NEK1: variants seen among roughly 807,000 people sequenced by gnomAD.
NEK1 encodes the protein serine/threonine-protein kinase Nek1.
A neutral mutation model predicts 182.1 loss-of-function variants in NEK1; 137 were observed. The observed-to-expected ratio is 0.75, with a 90% CI of 0.65 to 0.87. The LOEUF is 0.87. Ranked by LOEUF, NEK1 falls within the 40% of genes least tolerant of loss-of-function variation. The pLI is 0.00. For missense variants in NEK1, 1,391 were observed against 1,494.4 expected (o/e 0.93, Z 1.14); for synonymous variants, 513 against 492.2 (o/e 1.04, Z -0.56).
chr4:169,500,302 CCTTT>C (rs1442425215), intron 23 of NEK1, among the ~76,000 whole-genome samples: 1 of 152,130 alleles, frequency 6.6e-6, no homozygotes. Flanking sequence ...GTCTGTCACC[CCTTT>C]CTTTGACTAG....
At chr4:169,494,154 T>C (rs541879279) in intron 23 of NEK1, among the ~76,000 whole-genome samples, 5 of 152,264 alleles carry the variant, frequency 3.3e-5, no homozygotes, top group Admixed American at 6.5e-5. Flanking sequence ...AACGTGCAGG[T>C]TTGTTACATA....
chr4:169,566,944 A>C (rs528561551), intron 12 of NEK1, among the ~76,000 whole-genome samples: 1 of 152,178 alleles, frequency 6.6e-6, no homozygotes, highest in East Asian at 1.9e-4. Context: ...TCTCTACAAA[A>C]AATAGCTGGG....
chr4:169,548,558 T>C (rs1760905703), intron 18 of NEK1, among the ~76,000 whole-genome samples: 1 of 152,254 alleles, frequency 6.6e-6, no homozygotes, highest in Admixed American at 6.5e-5. Context: ...CTGCTGAAGC[T>C]GTGCCCACAA....
chr4:169,569,189 T>G (rs1364056370), intron 12 of NEK1, among the ~76,000 whole-genome samples: 1 of 152,154 alleles, frequency 6.6e-6, no homozygotes, highest in African/African-American at 2.4e-5. Flanking sequence ...ATTTCAAGAA[T>G]TAGATATGTA....
At chr4:169,436,837 A>G (rs1738504609) in intron 28 of NEK1, among the ~76,000 whole-genome samples, 1 of 152,246 alleles carries the variant, frequency 6.6e-6, no homozygotes, top group Non-Finnish European at 1.5e-5. Context: ...AAGAATTTCT[A>G]AGAACTCAAC....
intron 12 of NEK1, among the ~76,000 whole-genome samples, chr4:169,576,220 C>A (rs926789917): frequency 6.6e-6 from 1 of 152,164 alleles, no homozygotes; most frequent in Admixed American, 6.5e-5. Context: ...CCGCCTTGAC[C>A]TCCCAAAGTG....
At chr4:169,406,919 A>T (rs1353655246) in intron 31 of NEK1, among the ~76,000 whole-genome samples, 172 bp from the exon 32 acceptor site, 3 of 151,436 alleles carry the variant, frequency 2.0e-5, no homozygotes, top group Admixed American at 6.6e-5. Flanking sequence ...ATATATATAT[A>T]TTTTTAGAGC....
chr4:169,400,771 T>C (rs1232332259), intron 33 of NEK1, 120 bp from the exon 34 acceptor site: 1 of 655,818 alleles, frequency 1.5e-6, no homozygotes, highest in Non-Finnish European at 2.3e-6. Context: ...TCTACTTTCA[T>C]TATAAACAGT....
intron 19 of NEK1, among the ~76,000 whole-genome samples, chr4:169,527,835 TTAAGTA>T (rs1443094143): frequency 6.6e-6 from 1 of 152,192 alleles, no homozygotes; most frequent in South Asian, 2.1e-4. Context: ...TTAAACGTCT[TTAAGTA>T]TAATAATGAA....
At chr4:169,583,230 G>A (rs1232333199) in intron 10 of NEK1, among the ~76,000 whole-genome samples, 3 of 144,762 alleles carry the variant, frequency 2.1e-5, no homozygotes, top group African/African-American at 7.6e-5. Flanking sequence ...CTGCACCACT[G>A]CACTCTAGCC....
rs1166464035 is a variant in NEK1 at position 169,437,071 on chromosome 4, AG to A, written c.2764+1011del. On this transcript the variant is annotated intron_variant, in intron 28 of 35. Transcript: ENST00000507142. ...CTTGAGCACACCAAGCTTTGGTGCA[AG>A]GAAGCAGGCTGACAATGCTATTCCT... Among the ~76,000 whole-genome samples, 3 of 152,314 alleles carry A rather than the reference AG, an allele frequency of 2.0e-5. No individual in the cohort carries two copies. In the East Asian group the frequency reaches 5.8e-4, roughly 29 times the overall value.
At chr4:169,550,512 C>T (rs1395473920) in intron 18 of NEK1, among the ~76,000 whole-genome samples, 1 of 152,210 alleles carries the variant, frequency 6.6e-6, no homozygotes. Flanking sequence ...TACTTAATTA[C>T]ACATAGCCTC....
intron 31 of NEK1, among the ~76,000 whole-genome samples, chr4:169,419,958 T>G (rs1394843418): frequency 6.6e-6 from 1 of 152,182 alleles, no homozygotes; most frequent in Non-Finnish European, 1.5e-5. Context: ...TTGCCCTGGG[T>G]AAGCCAGTGA....
At chr4:169,445,859 T>TAC (rs1211287092) in intron 27 of NEK1, among the ~76,000 whole-genome samples, 1 of 133,064 alleles carries the variant, frequency 7.5e-6, no homozygotes, top group African/African-American at 2.9e-5. Context: ...CATATATATA[T>TAC]ATATATACAC....
chr4:169,596,356 T>C (rs1045447536), intron 5 of NEK1, among the ~76,000 whole-genome samples: 1 of 152,200 alleles, frequency 6.6e-6, no homozygotes. Flanking sequence ...CCAACCCTAA[T>C]GAAGCCAGAT....
At chr4:169,530,640 A>G (rs554566020) in intron 19 of NEK1, among the ~76,000 whole-genome samples, 87 of 151,980 alleles carry the variant, frequency 5.7e-4, no homozygotes, top group African/African-American at 2.0e-3. Flanking sequence ...GTCAAGGAAC[A>G]TATGTATGTA....
At chr4:169,599,629 CACTT>C (rs1770139535) in intron 4 of NEK1, among the ~76,000 whole-genome samples, 5 of 152,270 alleles carry the variant, frequency 3.3e-5, no homozygotes, top group East Asian at 3.9e-4. Context: ...CCACTTTAAT[CACTT>C]ACTTATTAAA....
intron 5 of NEK1, among the ~76,000 whole-genome samples, chr4:169,592,670 C>T (rs781565286): frequency 2.1e-5 from 3 of 142,582 alleles, no homozygotes; most frequent in South Asian, 2.3e-4. Flanking sequence ...TCTATCTCTT[C>T]AGTATTTTTT....
chr4:169,419,227 A>G (rs1285988290), intron 31 of NEK1, among the ~76,000 whole-genome samples: 1 of 152,190 alleles, frequency 6.6e-6, no homozygotes, highest in Admixed American at 6.5e-5. Flanking sequence ...GAAAGCTCAC[A>G]TATTTCTTAG....
Sources: gnomAD v4.1 joint callset for allele counts (sites outside exome capture counted in the v4.1 genomes callset) on GRCh38, gnomAD v4.1.1 for gene constraint, MANE v1.5 for transcripts, NCBI Gene and HGNC (gene_info 2026-07-23, HGNC 2026-07-21) for gene names.